PAQR7: variants seen among roughly 807,000 people sequenced by gnomAD.
The protein encoded by PAQR7 is membrane progestin receptor alpha.
In PAQR7, 14 loss-of-function variants were observed where a neutral mutation model predicts 24.6. That is an observed-to-expected ratio of 0.57 (90% CI 0.38 to 0.89). PAQR7 has a LOEUF of 0.89. Among genes scored for constraint, PAQR7 ranks in the 40% least tolerant of loss-of-function variants. The probability of loss-of-function intolerance (pLI) is 0.00; values close to 1 mark genes in which losing one functional copy is unlikely to be tolerated. For missense variants in PAQR7, 351 were observed against 444.0 expected (o/e 0.79, Z 1.88); for synonymous variants, 189 against 198.8 (o/e 0.95, Z 0.42).
chr1:25,872,997 C>T (rs1298582042), intron 1 of PAQR7, among the ~76,000 whole-genome samples: 2 of 152,182 alleles, frequency 1.3e-5, no homozygotes, highest in African/African-American at 4.8e-5. Flanking sequence ...AACTTTTTCT[C>T]AGCATGGAAG....
chr1:25,865,606 G>A (rs1040077008), intron 2 of PAQR7, among the ~76,000 whole-genome samples: 20 of 152,282 alleles, frequency 1.3e-4, no homozygotes, highest in African/African-American at 2.2e-4. Flanking sequence ...TCAGGAGATC[G>A]AGACCATCCT....
Position 25,862,928 on chromosome 1 carries a change from A to G in PAQR7, c.912T>C (p.Tyr304=), listed in dbSNP as rs1156625137. The G allele has an allele frequency of 6.2e-7, 1 of 1,614,116 alleles. No homozygotes were observed. Among genetic ancestry groups the G allele is most frequent in the Non-Finnish European group, 8.5e-7 (1 of 1,179,986 alleles). ...GAGGCCAGTGCGTGTGCAGAGGCTC[A>G]TAGATGGGCCGTCGGGCCTCATAGT... The part of the protein sequence containing the change: ...ALDYEARRPI[Y]EPLHTHWPHN... The change falls in exon 3 of 3, where the codon TAT becomes TAC. Residue 304 remains tyrosine, a synonymous_variant. Coordinates refer to ENST00000675840, the MANE Select transcript of PAQR7 (RefSeq NM_178422.6).
In PAQR7 at chr1:25,862,706, A is replaced by C. The variant is rs2048520990; in HGVS notation, c.*93T>G. The C allele has an allele frequency of 7.4e-7, 1 of 1,342,614 alleles. No individual in the cohort carries two copies. Among genetic ancestry groups the C allele is most frequent in the Non-Finnish European group, 1.0e-6 (1 of 975,354 alleles). The allele number at this position is 1,342,614 out of a possible 1,614,324, so 83.2% of individuals were successfully genotyped here. The stretch of plus-strand genomic sequence containing the variant: ...CAGAGAGTCACTGTGGGCCAGACAC[A>C]AACAACTTTACCAGGCCTTGTTCCC... On this transcript the variant is annotated 3_prime_UTR_variant, in exon 3 of 3. Coordinates refer to ENST00000675840, the MANE Select transcript of PAQR7 (RefSeq NM_178422.6).
At position 25,862,210 on chromosome 1, in the gene PAQR7, C is replaced by G. The variant is rs760558256; in HGVS notation, c.*589G>C. 1 of 152,460 alleles carries G rather than the reference C, an allele frequency of 6.6e-6. No individual in the cohort carries two copies. The highest frequency in any genetic ancestry group is 1.5e-5 in the Non-Finnish European group (1 of 68,418). The allele number at this position is 152,460 out of a possible 1,614,324, so 9.4% of individuals were successfully genotyped here. A position where few individuals can be genotyped will look rare whatever the true frequency, so the allele number is the denominator to read the frequency against. On this transcript the variant is annotated 3_prime_UTR_variant, in exon 3 of 3. Coordinates refer to ENST00000675840, the MANE Select transcript of PAQR7 (RefSeq NM_178422.6). Reference sequence around the variant, plus strand: ...AGCCAGAGCTAGGAGATCTGGGGCTCACTGTCTGGGATAGTGACTGAAGGA... The same window carrying G: ...AGCCAGAGCTAGGAGATCTGGGGCTGACTGTCTGGGATAGTGACTGAAGGA...
At chr1:25,874,442 G>C (rs985535874) in intron 1 of PAQR7, among the ~76,000 whole-genome samples, 1 of 152,176 alleles carries the variant, frequency 6.6e-6, no homozygotes, top group African/African-American at 2.4e-5. Flanking sequence ...TTGGGTGAAC[G>C]AGCTATAGTC....
chr1:25,868,709 CAAAAAA>C (rs35304131), intron 2 of PAQR7, among the ~76,000 whole-genome samples: 3 of 89,750 alleles, frequency 3.3e-5, no homozygotes, highest in African/African-American at 1.0e-4. Context: ...GACCCTTTCT[CAAAAAA>C]AAAAAAAAAA....
chr1:25,865,486 C>T (rs1226746919), intron 2 of PAQR7, among the ~76,000 whole-genome samples: 2 of 151,042 alleles, frequency 1.3e-5, no homozygotes, highest in African/African-American at 2.4e-5. Context: ...ACCAGCCTGA[C>T]CAACATGGAG....
chr1:25,868,525 A>G (rs2048576274), intron 2 of PAQR7, among the ~76,000 whole-genome samples: 1 of 151,428 alleles, frequency 6.6e-6, no homozygotes, highest in Non-Finnish European at 1.5e-5. Flanking sequence ...CTTGGGCAAC[A>G]TGGTAAAACC....
At chr1:25,864,507 T>G (rs1572276679) in intron 2 of PAQR7, among the ~76,000 whole-genome samples, 2 of 152,214 alleles carry the variant, frequency 1.3e-5, no homozygotes, top group Admixed American at 6.5e-5. Context: ...CCGTTCCCTC[T>G]GCCTGAGACA....
chr1:25,862,759 C>T lies in PAQR7; in HGVS notation c.*40G>A. On this transcript the variant is annotated 3_prime_UTR_variant, in exon 3 of 3. Transcript: ENST00000675840. Reference sequence around the variant, plus strand: ...CTGGAGCCAAACCCAGACCCCTGTCCCCCAACTATACCTCCCTCCCTACCA... The same window carrying T: ...CTGGAGCCAAACCCAGACCCCTGTCTCCCAACTATACCTCCCTCCCTACCA... 1 of 1,572,552 alleles carries T rather than the reference C, an allele frequency of 6.4e-7. No homozygotes were observed. The highest frequency in any genetic ancestry group is 1.3e-5 in the African/African-American group (1 of 74,114).
rs1196613672 is a variant in PAQR7, at chr1:25,875,350, G to A, written c.-109+138C>T. Among the ~76,000 whole-genome samples, 1 of 152,138 alleles carries A rather than the reference G, an allele frequency of 6.6e-6. No homozygotes were observed. Among genetic ancestry groups the A allele is most frequent in the East Asian group, 1.9e-4 (1 of 5,182 alleles). ...GCTCCGCGTCCTGCCTGTCTTCCCC[G>A]GGTCCCAAGTCCGCCCCTGCCCCGC... On this transcript the variant is annotated intron_variant, in intron 1 of 2. Coordinates refer to ENST00000675840, the MANE Select transcript of PAQR7 (RefSeq NM_178422.6). This position sits in a 1 kb window ranked among gnomAD's most constrained non-coding sequence, Gnocchi z 5.4.
At chr1:25,874,057 A>G (rs1265041479) in intron 1 of PAQR7, among the ~76,000 whole-genome samples, 1 of 151,638 alleles carries the variant, frequency 6.6e-6, no homozygotes, top group African/African-American at 2.4e-5. Flanking sequence ...CTAATTTTGT[A>G]TTTTTAGTAG....
intron 2 of PAQR7, among the ~76,000 whole-genome samples, chr1:25,868,945 G>A (rs946931405): frequency 4.6e-5 from 7 of 151,326 alleles, no homozygotes; most frequent in Admixed American, 4.0e-4. Flanking sequence ...TGGCCAACAT[G>A]GTGAAACCCC....
intron 1 of PAQR7, 77 bp from the exon 2 acceptor site, chr1:25,870,771 A>G (rs1322074610): frequency 6.6e-6 from 1 of 152,246 alleles, no homozygotes; most frequent in Admixed American, 6.5e-5. Context: ...CACAGAGCAG[A>G]TGGACTTCAG....
chr1:25,866,003 A>G (rs965900479), intron 2 of PAQR7, among the ~76,000 whole-genome samples: 30 of 151,372 alleles, frequency 2.0e-4, no homozygotes, highest in Non-Finnish European at 2.9e-4. Flanking sequence ...AAAAAAAAAG[A>G]AAAAGAAAGA....
At chr1:25,870,846 G>C (rs2048597810) in intron 1 of PAQR7, 152 bp from the exon 2 acceptor site, 1 of 152,194 alleles carries the variant, frequency 6.6e-6, no homozygotes, top group Admixed American at 6.5e-5. Flanking sequence ...TTAGACAAGT[G>C]ACTTACCTTC....
intron 1 of PAQR7, among the ~76,000 whole-genome samples, chr1:25,872,459 C>G (rs1360669552): frequency 6.6e-6 from 1 of 152,124 alleles, no homozygotes; most frequent in East Asian, 1.9e-4. Flanking sequence ...AACCACTGCC[C>G]TCGCAGAACT....
chr1:25,862,546 T>G lies in PAQR7; in HGVS notation c.*253A>C, dbSNP rs1044364047. The stretch of plus-strand genomic sequence containing the variant: ...GTGGCAGTGGAAGGGCAAGCTGGAG[T>G]GGCCCACACCGTTAACTCTTTCCCT... On this transcript the variant is annotated 3_prime_UTR_variant, in exon 3 of 3. Transcript: ENST00000675840. The G allele has an allele frequency of 4.6e-6, 2 of 434,342 alleles. No homozygotes were observed. The highest frequency in any genetic ancestry group is 3.5e-5 in the South Asian group (1 of 28,774). The allele number at this position is 434,342 out of a possible 1,614,324, so 26.9% of individuals were successfully genotyped here.
intron 2 of PAQR7, among the ~76,000 whole-genome samples, chr1:25,865,464 C>T (rs2048549407): frequency 6.6e-6 from 1 of 151,596 alleles, no homozygotes; most frequent in Admixed American, 6.6e-5. Flanking sequence ...CACCTGAGGT[C>T]GGGAGGTCGA....
Sources: allele counts gnomAD v4.1 joint callset (sites outside exome capture counted in the v4.1 genomes callset), GRCh38; gene constraint gnomAD v4.1.1; non-coding constraint Gnocchi (gnomAD v3.1); transcripts MANE v1.5; gene names NCBI Gene and HGNC (gene_info 2026-07-23, HGNC 2026-07-21).